The following TACR1 variants were observed in gnomAD, a reference collection of about 807,000 sequenced individuals.
TACR1 encodes tachykinin receptor 1.
TACR1 carries 25 observed loss-of-function variants against 35.8 expected under a neutral mutation model. The ratio of observed to expected loss-of-function variants is 0.70; its 90% CI spans 0.51 to 0.98. The LOEUF (loss-of-function observed/expected upper bound fraction) is 0.98. TACR1 is among the 50% of genes least tolerant of loss of function. TACR1 has a pLI of 0.00. For missense variants in TACR1, 478 were observed against 522.9 expected, an observed-to-expected ratio of 0.91 and a Z score of 0.84; for synonymous variants, 195 against 206.7, an observed-to-expected ratio of 0.94 and a Z score of 0.48.
chr2:75,095,812 C>A (rs1469355118), intron 2 of TACR1, among the ~76,000 whole-genome samples: 1 of 152,156 alleles, frequency 6.6e-6, no homozygotes, highest in African/African-American at 2.4e-5. Context: ...CTTCGTCCAT[C>A]CCCCTGTCCC....
chr2:75,192,568 C>T (rs1675874391), intron 1 of TACR1, among the ~76,000 whole-genome samples: 1 of 152,118 alleles, frequency 6.6e-6, no homozygotes, highest in African/African-American at 2.4e-5. Flanking sequence ...AGTATTTTCT[C>T]TTGTGTGATA....
At chr2:75,127,662 C>T (rs1237416018) in intron 1 of TACR1, among the ~76,000 whole-genome samples, 1 of 152,170 alleles carries the variant, frequency 6.6e-6, no homozygotes, top group Non-Finnish European at 1.5e-5. Context: ...CATGTGTGAT[C>T]AAACAGTGAC....
intron 2 of TACR1, among the ~76,000 whole-genome samples, chr2:75,075,545 A>C (rs1352130022): frequency 6.6e-6 from 1 of 152,242 alleles, no homozygotes; most frequent in Non-Finnish European, 1.5e-5. Context: ...CCATACTTAC[A>C]TATATGCTAT....
At chr2:75,051,101 G>C in intron 4 of TACR1, 150 bp downstream of exon 4, 1 of 971,600 alleles carries the variant, frequency 1.0e-6, no homozygotes. Flanking sequence ...TAATCAGCCA[G>C]GCTGAGTTGT....
intron 2 of TACR1, among the ~76,000 whole-genome samples, chr2:75,072,128 G>A (rs935233332): frequency 1.3e-5 from 2 of 152,138 alleles, no homozygotes; most frequent in Non-Finnish European, 2.9e-5. Context: ...CAATGGCACC[G>A]TGAAGTAGGA....
chr2:75,146,918 T>A (rs182877241), intron 1 of TACR1, among the ~76,000 whole-genome samples: 134 of 152,340 alleles, frequency 8.8e-4, no homozygotes, highest in Non-Finnish European at 1.7e-3. Context: ...CCCCATCACT[T>A]CTTCTGTGGT....
At chr2:75,160,052 G>A (rs1674965471) in intron 1 of TACR1, among the ~76,000 whole-genome samples, 1 of 152,176 alleles carries the variant, frequency 6.6e-6, no homozygotes, top group East Asian at 1.9e-4. Flanking sequence ...AGCAAAAGAT[G>A]GGCTGGAAAG....
At chr2:75,169,399 A>G (rs1675222260) in intron 1 of TACR1, among the ~76,000 whole-genome samples, 1 of 152,204 alleles carries the variant, frequency 6.6e-6, no homozygotes, top group Non-Finnish European at 1.5e-5. Context: ...AATATCTTTC[A>G]TGCAGGAATA....
chr2:75,146,747 T>C (rs1490150354), intron 1 of TACR1, among the ~76,000 whole-genome samples: 2 of 152,204 alleles, frequency 1.3e-5, no homozygotes, highest in Non-Finnish European at 2.9e-5. Context: ...GAGTTGCAGT[T>C]GCAGTAAAAA....
chr2:75,106,979 A>G (rs1223725692), intron 2 of TACR1, among the ~76,000 whole-genome samples: 2 of 151,864 alleles, frequency 1.3e-5, no homozygotes, highest in East Asian at 1.9e-4. Flanking sequence ...TAAGTTATGA[A>G]CCGATATCAA....
chr2:75,180,025 C>A (rs1307387027), intron 1 of TACR1, among the ~76,000 whole-genome samples: 2 of 152,190 alleles, frequency 1.3e-5, no homozygotes, highest in Non-Finnish European at 2.9e-5. Context: ...TTGCCAATAT[C>A]ATTCCTGCTT....
chr2:75,086,637 G>T (rs1406511118), intron 2 of TACR1, among the ~76,000 whole-genome samples: 2 of 152,196 alleles, frequency 1.3e-5, no homozygotes, highest in Admixed American at 6.5e-5. Flanking sequence ...GTGAGGAAAA[G>T]GGCCTGGTCA....
At chr2:75,123,983 A>G (rs1344822234) in intron 1 of TACR1, among the ~76,000 whole-genome samples, 1 of 152,238 alleles carries the variant, frequency 6.6e-6, no homozygotes, top group African/African-American at 2.4e-5. Context: ...CATTCAATAA[A>G]TATTTATTGA....
At chr2:75,073,706 A>G (rs1337670167) in intron 2 of TACR1, among the ~76,000 whole-genome samples, 7 of 152,316 alleles carry the variant, frequency 4.6e-5, no homozygotes, top group Admixed American at 3.3e-4. Flanking sequence ...TCTGGAGACC[A>G]GGCACAGAGA....
At chr2:75,149,364 T>C (rs1269418054) in intron 1 of TACR1, among the ~76,000 whole-genome samples, 1 of 152,218 alleles carries the variant, frequency 6.6e-6, no homozygotes, top group Non-Finnish European at 1.5e-5. Flanking sequence ...TGATTCTTCC[T>C]ACCCATGAGG....
At position 75,047,641 on chromosome 2, in the gene TACR1, T is replaced by C. The variant is rs1256606544; in HGVS notation, c.*1791A>G. 3 of 152,256 alleles carry C rather than the reference T, an allele frequency of 2.0e-5. No homozygotes were observed. Among genetic ancestry groups the C allele is most frequent in the Admixed American group, 1.3e-4 (2 of 15,286 alleles). The allele number at this position is 152,256 out of a possible 1,614,324, so 9.4% of individuals were successfully genotyped here. A position where few individuals can be genotyped will look rare whatever the true frequency, so the allele number is the denominator to read the frequency against. ...TGACTAATGCTTAGGGCACTAACTT[T>C]TGTTGCTTCTAAATTTTGTCTTCCA... is the stretch of plus-strand genomic sequence containing the variant. On this transcript the variant is annotated 3_prime_UTR_variant, in exon 5 of 5. Transcript: ENST00000305249.
intron 1 of TACR1, among the ~76,000 whole-genome samples, chr2:75,183,258 TTTC>T (rs1675602686): frequency 1.3e-5 from 2 of 152,208 alleles, no homozygotes; most frequent in Non-Finnish European, 2.9e-5. Context: ...TTTATTTCTA[TTTC>T]TTCTTCAATA....
chr2:75,059,017 G>T (rs754938868), intron 2 of TACR1, among the ~76,000 whole-genome samples: 1 of 152,176 alleles, frequency 6.6e-6, no homozygotes, highest in Non-Finnish European at 1.5e-5. Flanking sequence ...CACAGCTCTG[G>T]GTTCTCCATC....
chr2:75,179,913 C>G (rs139606833), intron 1 of TACR1, among the ~76,000 whole-genome samples: 1 of 152,280 alleles, frequency 6.6e-6, no homozygotes, highest in East Asian at 1.9e-4. Context: ...GCCTGTTACT[C>G]CAGCATATCA....
Sources: allele counts gnomAD v4.1 joint callset (sites outside exome capture counted in the v4.1 genomes callset), GRCh38; gene constraint gnomAD v4.1.1; transcripts MANE v1.5; gene names NCBI Gene and HGNC (gene_info 2026-07-23, HGNC 2026-07-21).